Variants in ARNT observed in about 807,000 individuals in gnomAD.
ARNT encodes the protein class E basic helix-loop-helix protein 2.
ARNT carries 30 observed loss-of-function variants against 105.0 expected under a neutral mutation model. That is an observed-to-expected ratio of 0.29 (90% CI 0.21 to 0.39). ARNT has a LOEUF of 0.39. ARNT is among the 10% of genes least tolerant of loss of function. The pLI is 1.00. For missense variants in ARNT, 748 were observed against 978.7 expected, an observed-to-expected ratio of 0.76 and a Z score of 3.15; for synonymous variants, 304 against 344.0, an observed-to-expected ratio of 0.88 and a Z score of 1.29.
At chr1:150,839,703 TTTGGTAGCAGG>T (rs1243972945) in intron 5 of ARNT, 49 bp from the exon 6 acceptor site, 1 of 1,552,642 alleles carries the variant, frequency 6.4e-7, no homozygotes, top group Admixed American at 1.9e-5. Context: ...CATCTGGTCA[TTTGGTAGCAGG>T]GAGAGTGATA....
At chr1:150,848,284 T>C (rs926671059) in intron 3 of ARNT, among the ~76,000 whole-genome samples, 4 of 152,034 alleles carry the variant, frequency 2.6e-5, no homozygotes, top group Admixed American at 6.6e-5. Context: ...GGCGAAACCT[T>C]GTCGCTACTA....
chr1:150,875,789 G>A (rs1668148066), intron 1 of ARNT, among the ~76,000 whole-genome samples: 1 of 152,182 alleles, frequency 6.6e-6, no homozygotes. Flanking sequence ...GAGAAATGGT[G>A]TGGAATCAAA....
intron 11 of ARNT, 95 bp from the exon 12 acceptor site, chr1:150,829,322 C>T (rs1395030875): frequency 6.0e-6 from 8 of 1,343,714 alleles, no homozygotes; most frequent in African/African-American, 1.5e-5. Context: ...ACATAAGATT[C>T]CCAGTTTTAG....
intron 6 of ARNT, 137 bp downstream of exon 6, chr1:150,839,304 G>GT: frequency 1.3e-6 from 1 of 763,684 alleles, no homozygotes; most frequent in Non-Finnish European, 2.1e-6. Context: ...GCTAATTAAT[G>GT]TTATAGCCAA....
At chr1:150,868,917 TA>T (rs199637995) in intron 1 of ARNT, among the ~76,000 whole-genome samples, 15 of 140,272 alleles carry the variant, frequency 1.1e-4, no homozygotes, top group South Asian at 4.5e-4. Context: ...TAATAAAATT[TA>T]AAAAAAAAAG....
rs1557888905 is a variant in ARNT, at chr1:150,834,652, TG to T, written c.701-13del. The T allele has an allele frequency of 3.7e-6, 6 of 1,612,484 alleles. No homozygotes were observed. The highest frequency in any genetic ancestry group is 5.1e-6 in the Non-Finnish European group (6 of 1,178,710). ...ATCCAGGATACGCCCTGAAGGAAGATGTGAAGAGCAGTCTGGAGTGCATTTT... is the reference window on the plus strand; with the variant it reads ...ATCCAGGATACGCCCTGAAGGAAGATTGAAGAGCAGTCTGGAGTGCATTTT... On this transcript the variant is annotated splice_polypyrimidine_tract_variant and intron_variant, in intron 7 of 21. Coordinates refer to ENST00000358595, the MANE Select transcript of ARNT (RefSeq NM_001668.4).
At chr1:150,818,688 G>A (rs982180994) in intron 14 of ARNT, among the ~76,000 whole-genome samples, 4 of 152,150 alleles carry the variant, frequency 2.6e-5, no homozygotes, top group African/African-American at 9.7e-5. Context: ...GGCGGAGGTT[G>A]CAGTGAGCTG....
intron 1 of ARNT, among the ~76,000 whole-genome samples, chr1:150,867,984 A>T (rs1557968525): frequency 6.6e-6 from 1 of 152,018 alleles, no homozygotes; most frequent in Non-Finnish European, 1.5e-5. Context: ...TTTCTTCATA[A>T]ATTACCCAGT....
chr1:150,876,405 C>G, intron 1 of ARNT, 138 bp downstream of exon 1: 1 of 1,424,410 alleles, frequency 7.0e-7, no homozygotes, highest in East Asian at 2.7e-5. Flanking sequence ...GGTCACCGCT[C>G]CCCCACCGTC....
intron 1 of ARNT, among the ~76,000 whole-genome samples, chr1:150,869,194 T>TA (rs939784145): frequency 1.3e-5 from 2 of 151,882 alleles, no homozygotes; most frequent in African/African-American, 4.8e-5. Context: ...TATAGAATGT[T>TA]AGGCTGGGCG....
At chr1:150,841,332 T>A (rs1453184535) in intron 5 of ARNT, among the ~76,000 whole-genome samples, 1 of 151,578 alleles carries the variant, frequency 6.6e-6, no homozygotes, top group East Asian at 1.9e-4. Context: ...AAAAAGAAAG[T>A]AAGAAAATTA....
chr1:150,860,722 G>C (rs1050651665), intron 1 of ARNT, among the ~76,000 whole-genome samples: 1 of 151,790 alleles, frequency 6.6e-6, no homozygotes, highest in East Asian at 2.0e-4. Flanking sequence ...CAGGAATGGT[G>C]GTGGGCACCT....
At chr1:150,813,447 A>G in intron 20 of ARNT, 109 bp from the exon 21 acceptor site, 1 of 1,144,052 alleles carries the variant, frequency 8.7e-7, no homozygotes, top group Non-Finnish European at 1.2e-6. Flanking sequence ...ACCTAGGATA[A>G]CTCTGTCCTT....
chr1:150,835,841 A>G (rs1660235324), intron 7 of ARNT, among the ~76,000 whole-genome samples: 3 of 152,102 alleles, frequency 2.0e-5, no homozygotes, highest in Non-Finnish European at 4.4e-5. Flanking sequence ...AACAACAACA[A>G]CAACAGAAAA....
intron 14 of ARNT, 144 bp downstream of exon 14, chr1:150,823,049 TG>T: frequency 2.9e-6 from 2 of 690,414 alleles, no homozygotes; most frequent in South Asian, 4.0e-5. Context: ...CCAGAGTAGC[TG>T]GGACTACAGG....
chr1:150,831,921 G>GT lies in ARNT; in HGVS notation c.870-19dup. ...GTCCATTCCTAGAAGAGTTACAGGA[G>GT]TTTGAAAAAAAAAAAAAAAATCTAC... On this transcript the variant is annotated intron_variant, in intron 9 of 21. Transcript: ENST00000358595. 95 of 1,081,988 alleles carry GT rather than the reference G, an allele frequency of 8.8e-5. No individual in the cohort carries two copies. The highest frequency in any genetic ancestry group is 1.2e-4 in the Non-Finnish European group (87 of 753,756). The allele number at this position is 1,081,988 out of a possible 1,614,324, so 67.0% of individuals were successfully genotyped here.
intron 1 of ARNT, among the ~76,000 whole-genome samples, chr1:150,870,854 C>A (rs1446193493): frequency 2.0e-5 from 3 of 151,794 alleles, no homozygotes; most frequent in Non-Finnish European, 2.9e-5. Flanking sequence ...CATTCAACTA[C>A]AATGAAAACG....
intron 1 of ARNT, among the ~76,000 whole-genome samples, chr1:150,863,694 G>A (rs912336999): frequency 2.0e-5 from 3 of 151,808 alleles, no homozygotes; most frequent in African/African-American, 7.3e-5. Context: ...CCAGGCGCCT[G>A]TAATCCCAGC....
chr1:150,875,171 C>T (rs11204737), intron 1 of ARNT, among the ~76,000 whole-genome samples: 62,970 of 151,908 alleles, frequency 0.41, 15,077 homozygotes, highest in Non-Finnish European at 0.54. Flanking sequence ...TTTGACATAA[C>T]GGCATTTTTC....
Sources: gnomAD v4.1 joint callset for allele counts (sites outside exome capture counted in the v4.1 genomes callset) on GRCh38, gnomAD v4.1.1 for gene constraint, MANE v1.5 for transcripts, NCBI Gene and HGNC (gene_info 2026-07-23, HGNC 2026-07-21) for gene names.